The following WDR72 variants were observed in gnomAD, a reference collection of about 807,000 sequenced individuals.
WDR72 encodes the protein WD repeat domain 72.
WDR72 carries 120 observed loss-of-function variants against 124.2 expected under a neutral mutation model. That is an observed-to-expected ratio of 0.97 (90% CI 0.83 to 1.12). The LOEUF (loss-of-function observed/expected upper bound fraction) is 1.12, where lower values mean the gene tolerates loss of function less well. Ranked by LOEUF, WDR72 falls within the 50% of genes most tolerant of loss-of-function variation. WDR72 has a pLI of 0.00. For synonymous variants in WDR72, 452 were observed against 441.7 expected, an observed-to-expected ratio of 1.02 and a Z score of -0.29; for missense variants, 1,387 against 1,278.8, an observed-to-expected ratio of 1.08 and a Z score of -1.29.
intron 18 of WDR72, among the ~76,000 whole-genome samples, 185 bp from the exon 19 acceptor site, chr15:53,523,507 T>G (rs1437356169): frequency 1.3e-5 from 2 of 152,094 alleles, no homozygotes; most frequent in Non-Finnish European, 2.9e-5. Flanking sequence ...TGTAATTAGT[T>G]GAAAAATCTA....
chr15:53,738,418 A>G (rs571387123), intron 1 of WDR72, among the ~76,000 whole-genome samples: 2 of 152,310 alleles, frequency 1.3e-5, no homozygotes, highest in South Asian at 4.1e-4. Context: ...GAGGAAATCT[A>G]TGGCAAGTTT....
intron 13 of WDR72, among the ~76,000 whole-genome samples, chr15:53,683,927 T>G (rs924809314): frequency 3.3e-5 from 5 of 152,128 alleles, no homozygotes; most frequent in African/African-American, 1.2e-4. Context: ...TTAACCTTTT[T>G]TACACCATGA....
intron 1 of WDR72, among the ~76,000 whole-genome samples, chr15:53,748,514 C>A (rs1439092727): frequency 6.6e-6 from 1 of 152,122 alleles, no homozygotes; most frequent in East Asian, 1.9e-4. Flanking sequence ...GTATGTACTA[C>A]CTAAAATCAC....
intron 18 of WDR72, among the ~76,000 whole-genome samples, chr15:53,534,819 T>G (rs1320012739): frequency 6.6e-6 from 1 of 152,154 alleles, no homozygotes; most frequent in Non-Finnish European, 1.5e-5. Context: ...AAATAATTGT[T>G]GTTTTGCCCA....
chr15:53,557,531 G>A lies in WDR72; in HGVS notation c.3149-34209C>T, dbSNP rs190311569. Among the ~76,000 whole-genome samples, 353 of 152,154 alleles carry A rather than the reference G, an allele frequency of 2.3e-3. 3 individuals carry two copies. In the South Asian group the frequency reaches 0.026, roughly 11 times the overall value. On this transcript the variant is annotated intron_variant, in intron 18 of 19. Coordinates refer to ENST00000360509, the MANE Select transcript of WDR72 (RefSeq NM_182758.4). ...ATTTCTAATGTTGTATCTGGATGTCGCAAGAAACAATGCCTTGATCTACGA... is the reference window on the plus strand; with the variant it reads ...ATTTCTAATGTTGTATCTGGATGTCACAAGAAACAATGCCTTGATCTACGA...
chr15:53,745,444 A>C (rs1182918893), intron 1 of WDR72, among the ~76,000 whole-genome samples: 1 of 152,176 alleles, frequency 6.6e-6, no homozygotes, highest in Non-Finnish European at 1.5e-5. Context: ...GGCCATGAAA[A>C]TATACAATTT....
At chr15:53,728,294 C>T (rs574459761) in intron 2 of WDR72, among the ~76,000 whole-genome samples, 5 of 152,244 alleles carry the variant, frequency 3.3e-5, no homozygotes, top group South Asian at 2.1e-4. Flanking sequence ...GAGAATAGCA[C>T]GGGAAAGACC....
In WDR72 at chr15:53,597,233, T is replaced by C. The variant is rs756860118; in HGVS notation, c.2994A>G (p.Gln998=). 8 of 1,613,760 alleles carry C rather than the reference T, an allele frequency of 5.0e-6. No homozygotes were observed. The South Asian group carries it at 7.7e-5, about 16-fold the overall frequency. Residue 998 remains glutamine (Q), a synonymous_variant, in exon 18 of 20, where the codon CAA becomes CAG. Transcript: ENST00000360509. ...AIQAVLLAEV[Q]QHMKSLGKIP... ...TCTTTCCCAAACTCTTCATGTGTTGTTGAACTTCCGCCAAGAGAACAGCTT... is the reference window on the plus strand; with the variant it reads ...TCTTTCCCAAACTCTTCATGTGTTGCTGAACTTCCGCCAAGAGAACAGCTT...
rs1418507499 is a variant in WDR72 at position 53,514,447 on chromosome 15, G to T, written c.*3252C>A. On this transcript the variant is annotated 3_prime_UTR_variant, in exon 20 of 20. Coordinates refer to ENST00000360509, the MANE Select transcript of WDR72 (RefSeq NM_182758.4). ...TCAATTATTATAATGTGCCCTCTAA[G>T]GATGGAAGAGAAATAGTATCTTTTC... 6.6e-6 allele frequency: 1 copy of T among 151,870 alleles called. No individual in the cohort carries two copies. The highest frequency in any genetic ancestry group is 1.5e-5 in the Non-Finnish European group (1 of 67,992). 9.4% of individuals were successfully genotyped at this position (151,870 alleles called of 1,614,324 possible). A position where few individuals can be genotyped will look rare whatever the true frequency, so the allele number is the denominator to read the frequency against.
chr15:53,666,814 C>T (rs2015795458), intron 13 of WDR72, among the ~76,000 whole-genome samples: 1 of 152,044 alleles, frequency 6.6e-6, no homozygotes, highest in Non-Finnish European at 1.5e-5. Flanking sequence ...TATGACTATT[C>T]TATCCTTCCT....
Position 53,514,216 on chromosome 15 carries a change from A to C in WDR72, c.*3483T>G, listed in dbSNP as rs1249748361. 3 of 152,194 alleles carry C rather than the reference A, an allele frequency of 2.0e-5. No homozygotes were observed. Among genetic ancestry groups the C allele is most frequent in the African/African-American group, 7.2e-5 (3 of 41,458 alleles). The allele number at this position is 152,194 out of a possible 1,614,324, so 9.4% of individuals were successfully genotyped here. A position where few individuals can be genotyped will look rare whatever the true frequency, so the allele number is the denominator to read the frequency against. On this transcript the variant is annotated 3_prime_UTR_variant, in exon 20 of 20. Coordinates refer to ENST00000360509, the MANE Select transcript of WDR72 (RefSeq NM_182758.4). Reference sequence around the variant, plus strand: ...TAGGAAATTAAACACAACTTTTGGCACTTTACATATAAGACAACATTTTGT... The same window carrying C: ...TAGGAAATTAAACACAACTTTTGGCCCTTTACATATAAGACAACATTTTGT...
At chr15:53,714,321 C>A in intron 6 of WDR72, 113 bp downstream of exon 6, 4 of 869,146 alleles carry the variant, frequency 4.6e-6, no homozygotes, top group East Asian at 2.7e-5. Context: ...AATTTATACA[C>A]TTCTATGTTA....
At chr15:53,720,507 C>T (rs887814718) in intron 3 of WDR72, among the ~76,000 whole-genome samples, 4 of 152,134 alleles carry the variant, frequency 2.6e-5, no homozygotes, top group Admixed American at 2.0e-4. Flanking sequence ...TTATACTTAT[C>T]GTGAGTCTGT....
At chr15:53,554,605 C>CT (rs1893858570) in intron 18 of WDR72, among the ~76,000 whole-genome samples, 1 of 152,106 alleles carries the variant, frequency 6.6e-6, no homozygotes, top group Non-Finnish European at 1.5e-5. Context: ...AGTAAAGGCA[C>CT]TTGACCTAGA....
At chr15:53,704,543 A>G (rs1239470862) in intron 11 of WDR72, among the ~76,000 whole-genome samples, 1 of 151,296 alleles carries the variant, frequency 6.6e-6, no homozygotes, top group African/African-American at 2.4e-5. Context: ...TTTTTTTGAG[A>G]TGGAGTGGAG....
chr15:53,703,944 C>A (rs2017261581), intron 11 of WDR72, among the ~76,000 whole-genome samples: 1 of 152,076 alleles, frequency 6.6e-6, no homozygotes. Context: ...GTAAATCAGC[C>A]TAGATAAAAA....
chr15:53,662,425 A>C (rs1237476909), intron 14 of WDR72, among the ~76,000 whole-genome samples: 1 of 152,222 alleles, frequency 6.6e-6, no homozygotes, highest in East Asian at 1.9e-4. Flanking sequence ...GCATTCTAAT[A>C]AAGTCCTAAT....
intron 12 of WDR72, among the ~76,000 whole-genome samples, chr15:53,700,384 C>T (rs2017135087): frequency 6.6e-6 from 1 of 152,200 alleles, no homozygotes; most frequent in African/African-American, 2.4e-5. Flanking sequence ...TGATTTGGTG[C>T]TGTTCCCAGA....
rs1029327118 is a variant in WDR72 at position 53,515,030 on chromosome 15, C to CATATATATGTGT, written c.*2657_*2668dup. 1.7e-5 allele frequency: 2 copies of CATATATATGTGT among 117,016 alleles called. No homozygotes were observed. Among genetic ancestry groups the CATATATATGTGT allele is most frequent in the Non-Finnish European group, 4.0e-5 (2 of 50,040 alleles). 7.2% of individuals were successfully genotyped at this position (117,016 alleles called of 1,614,324 possible). A position where few individuals can be genotyped will look rare whatever the true frequency, so the allele number is the denominator to read the frequency against. The stretch of plus-strand genomic sequence containing the variant: ...TGCCATATATATATATATATACACA[C>CATATATATGTGT]ATATATATGTGTATATATATGTGTG... On this transcript the variant is annotated 3_prime_UTR_variant, in exon 20 of 20. Coordinates refer to ENST00000360509, the MANE Select transcript of WDR72 (RefSeq NM_182758.4).
Sources: gnomAD v4.1 joint callset for allele counts (sites outside exome capture counted in the v4.1 genomes callset) on GRCh38, gnomAD v4.1.1 for gene constraint, MANE v1.5 for transcripts, NCBI Gene and HGNC (gene_info 2026-07-23, HGNC 2026-07-21) for gene names.